The following LSAMP variants were observed in gnomAD, a reference collection of about 807,000 sequenced individuals.
The protein encoded by LSAMP is limbic system-associated membrane protein.
In LSAMP, 7 loss-of-function variants were observed where a neutral mutation model predicts 38.6. The ratio of observed to expected loss-of-function variants is 0.18; its 90% CI spans 0.10 to 0.34. The LOEUF is 0.34. Ranked by LOEUF, LSAMP falls within the 10% of genes least tolerant of loss-of-function variation. The probability of loss-of-function intolerance (pLI) is 1.00; values close to 1 mark genes in which losing one functional copy is unlikely to be tolerated. For missense variants in LSAMP, 313 were observed against 420.0 expected (o/e 0.75, Z 2.23); for synonymous variants, 154 against 166.8 (o/e 0.92, Z 0.59).
At chr3:116,355,526 G>A (rs2048211638) in intron 1 of LSAMP, among the ~76,000 whole-genome samples, 1 of 152,024 alleles carries the variant, frequency 6.6e-6, no homozygotes, top group African/African-American at 2.4e-5. Flanking sequence ...CATTGGCTTG[G>A]GCAAAAATTT....
intron 3 of LSAMP, among the ~76,000 whole-genome samples, chr3:115,903,756 G>A (rs1357387386): frequency 6.6e-6 from 1 of 152,104 alleles, no homozygotes; most frequent in Non-Finnish European, 1.5e-5. Context: ...GGTTTAACAG[G>A]TTTTAATAGG....
chr3:116,026,604 G>C (rs1256140038), intron 2 of LSAMP, among the ~76,000 whole-genome samples: 1 of 152,142 alleles, frequency 6.6e-6, no homozygotes, highest in South Asian at 2.1e-4. Context: ...GACAAGGAGT[G>C]GGTACAAGAC....
At chr3:116,077,531 T>C (rs945876863) in intron 2 of LSAMP, among the ~76,000 whole-genome samples, 8 of 152,320 alleles carry the variant, frequency 5.3e-5, no homozygotes, top group African/African-American at 1.7e-4. Context: ...GTATTTAATA[T>C]TTAATATAAT....
intron 3 of LSAMP, among the ~76,000 whole-genome samples, chr3:115,991,903 C>T (rs1233188949): frequency 6.6e-6 from 1 of 151,952 alleles, no homozygotes; most frequent in Non-Finnish European, 1.5e-5. Context: ...ATGCCATGCC[C>T]CAGGGTAAAG....
intron 2 of LSAMP, among the ~76,000 whole-genome samples, chr3:116,028,848 T>C (rs9858539): frequency 0.12 from 17,746 of 152,172 alleles, 1,250 homozygotes; most frequent in Non-Finnish European, 0.16. Flanking sequence ...ATTGTGGCAT[T>C]AACAATAAAT....
intron 1 of LSAMP, among the ~76,000 whole-genome samples, chr3:116,250,510 G>A (rs1356953631): frequency 6.6e-6 from 1 of 151,872 alleles, no homozygotes; most frequent in South Asian, 2.1e-4. Context: ...ATCAATACTG[G>A]AACGGCTATT....
Position 116,240,300 on chromosome 3 carries a change from G to A in LSAMP, c.156-153744C>T, listed in dbSNP as rs190083290. 2.0e-5 allele frequency among the ~76,000 whole-genome samples: 3 copies of A among 152,292 alleles called. No individual in the cohort carries two copies. The East Asian group carries it at 5.8e-4, about 29-fold the overall frequency. ...AGCTTTTGTAAGATGGCAGACTTTA[G>A]TGAGAAAACCATGTCAGTGGACCTG... On this transcript the variant is annotated intron_variant, in intron 1 of 6. Transcript: ENST00000490035.
intron 1 of LSAMP, among the ~76,000 whole-genome samples, chr3:116,116,143 G>C (rs1352559037): frequency 7.0e-6 from 1 of 142,226 alleles, no homozygotes; most frequent in Non-Finnish European, 1.5e-5. Flanking sequence ...TCCATTTCGT[G>C]AGACATTTTC....
At chr3:116,321,442 T>C (rs1010708904) in intron 1 of LSAMP, among the ~76,000 whole-genome samples, 7 of 152,154 alleles carry the variant, frequency 4.6e-5, no homozygotes, top group African/African-American at 1.7e-4. Flanking sequence ...CATTACCGGA[T>C]ATTCACCTCT....
At chr3:116,428,166 T>C (rs563451223) in intron 1 of LSAMP, among the ~76,000 whole-genome samples, 3 of 152,192 alleles carry the variant, frequency 2.0e-5, no homozygotes, top group Non-Finnish European at 4.4e-5. Context: ...GAACATATCA[T>C]TACCTGGTCT....
chr3:116,105,554 C>G (rs370525004), intron 1 of LSAMP, among the ~76,000 whole-genome samples: 1 of 149,360 alleles, frequency 6.7e-6, no homozygotes, highest in Non-Finnish European at 1.5e-5. Flanking sequence ...TGGGCAGGGG[C>G]GGGGGTCACA....
chr3:115,933,934 A>G (rs1323535812), intron 3 of LSAMP, among the ~76,000 whole-genome samples: 2 of 152,188 alleles, frequency 1.3e-5, no homozygotes, highest in African/African-American at 2.4e-5. Flanking sequence ...GGCAGAAGCA[A>G]TAAATGTAAT....
chr3:115,903,389 C>A (rs573323941), intron 3 of LSAMP, among the ~76,000 whole-genome samples: 6 of 152,180 alleles, frequency 3.9e-5, no homozygotes, highest in African/African-American at 1.4e-4. Flanking sequence ...CCAATCGGTA[C>A]TAGACTTTAT....
chr3:116,129,093 T>C (rs1709069690), intron 1 of LSAMP, among the ~76,000 whole-genome samples: 1 of 152,220 alleles, frequency 6.6e-6, no homozygotes, highest in South Asian at 2.1e-4. Flanking sequence ...ATTAAATTTA[T>C]GATACCCCTT....
rs186852810 is a variant in LSAMP, at chr3:116,075,787, C to T, written c.388+10537G>A. Among the ~76,000 whole-genome samples the T allele has an allele frequency of 2.3e-3, 346 of 152,166 alleles. 1 individual carries two copies. The highest frequency in any genetic ancestry group is 7.8e-3 in the African/African-American group (325 of 41,536). On this transcript the variant is annotated intron_variant, in intron 2 of 6. Transcript: ENST00000490035. Reference sequence around the variant, plus strand: ...AACTCCTGACCTCAGGTGATCCGCTCACCTCAGCCTCCCAAAGTGTTGGGA... The same window carrying T: ...AACTCCTGACCTCAGGTGATCCGCTTACCTCAGCCTCCCAAAGTGTTGGGA...
At chr3:116,071,050 A>G (rs1559730969) in intron 2 of LSAMP, among the ~76,000 whole-genome samples, 1 of 135,258 alleles carries the variant, frequency 7.4e-6, no homozygotes, top group Non-Finnish European at 1.6e-5. Context: ...CAAAATAAAT[A>G]AATAATAAAT....
chr3:116,003,736 A>G (rs1940068242), intron 3 of LSAMP, among the ~76,000 whole-genome samples: 1 of 152,304 alleles, frequency 6.6e-6, no homozygotes, highest in South Asian at 2.1e-4. Flanking sequence ...AGACAAGGCC[A>G]TGTGAAGACA....
intron 1 of LSAMP, among the ~76,000 whole-genome samples, chr3:116,268,699 C>CTATT (rs1559806161): frequency 1.8e-4 from 5 of 28,260 alleles, no homozygotes; most frequent in Non-Finnish European, 1.2e-3. Context: ...TTCTATTTTT[C>CTATT]TTTCTTTCTT....
At chr3:116,319,788 C>CA (rs145801218) in intron 1 of LSAMP, among the ~76,000 whole-genome samples, 2,753 of 148,566 alleles carry the variant, frequency 0.019, 74 homozygotes, top group African/African-American at 0.064. Flanking sequence ...CCTCTAGACT[C>CA]AAAGTTTTTT....
Sources: allele counts gnomAD v4.1 joint callset (sites outside exome capture counted in the v4.1 genomes callset), GRCh38; gene constraint gnomAD v4.1.1; transcripts MANE v1.5; gene names NCBI Gene and HGNC (gene_info 2026-07-23, HGNC 2026-07-21).